Variants in SEMA4G observed in about 807,000 individuals in gnomAD.
The protein encoded by SEMA4G is semaphorin-4G.
In SEMA4G, 59 loss-of-function variants were observed where a neutral mutation model predicts 81.2. That is an observed-to-expected ratio of 0.73 (90% CI 0.59 to 0.90). The LOEUF (loss-of-function observed/expected upper bound fraction) is 0.90. SEMA4G is among the 40% of genes least tolerant of loss of function. The pLI, the probability that SEMA4G is intolerant of heterozygous loss-of-function variation, is 0.00. For missense variants in SEMA4G, 952 were observed against 1,102.3 expected, an observed-to-expected ratio of 0.86 and a Z score of 1.93; for synonymous variants, 404 against 433.9, an observed-to-expected ratio of 0.93 and a Z score of 0.86.
intron 12 of SEMA4G, 35 bp downstream of exon 13, chr10:100,981,032 T>C: frequency 6.3e-7 from 1 of 1,595,104 alleles, no homozygotes; most frequent in Non-Finnish European, 8.5e-7. Flanking sequence ...TCACATGTGG[T>C]CTGAGTGGAG....
At chr10:100,980,533 C>A in intron 10 of SEMA4G, 45 bp from the exon 12 acceptor site, 1 of 1,525,830 alleles carries the variant, frequency 6.6e-7, no homozygotes, top group East Asian at 2.2e-5. Context: ...GTGCTGAGAG[C>A]AGATCCCATA....
chr10:100,983,244 T>C (rs1851203264), intron 13 of SEMA4G, 61 bp from the exon 15 acceptor site: 2 of 1,458,792 alleles, frequency 1.4e-6, no homozygotes, highest in Middle Eastern at 2.3e-4. Flanking sequence ...ACAGTCTGGC[T>C]TGCCATCTCT....
Position 100,979,084 on chromosome 10 carries a change from G to A in SEMA4G, c.814-18G>A, listed in dbSNP as rs534844916. On this transcript the variant is annotated intron_variant, in intron 7 of 13. Coordinates refer to ENST00000370250, the Ensembl canonical transcript of SEMA4G. The stretch of plus-strand genomic sequence containing the variant: ...ACCTCTGACCCTGGCCCCTTATCCC[G>A]TGCCTCTACCTCCCCAGGGAGACCT... The A allele has an allele frequency of 2.6e-5, 42 of 1,613,582 alleles. No individual in the cohort carries two copies. In the Admixed American group the frequency reaches 3.2e-4, roughly 12 times the overall value.
In SEMA4G at chr10:100,978,154, A is replaced by C. The variant is rs749877017; in HGVS notation, c.436-141A>C. The stretch of plus-strand genomic sequence containing the variant: ...ATAAGGTCATTCTCAGGGGATGCTT[A>C]AGTTATTGCTGTCAGGTGCATCTGC... On this transcript the variant is annotated intron_variant, in intron 4 of 13. Coordinates refer to ENST00000370250, the Ensembl canonical transcript of SEMA4G. The C allele has an allele frequency of 9.6e-6, 6 of 625,704 alleles. No homozygotes were observed. The East Asian group carries it at 1.6e-4, about 17-fold the overall frequency. The allele number at this position is 625,704 out of a possible 1,614,324, so 38.8% of individuals were successfully genotyped here. A position where few individuals can be genotyped will look rare whatever the true frequency, so the allele number is the denominator to read the frequency against.
At chr10:100,971,325 A>C (rs1850626023), upstream of SEMA4G, among the ~76,000 whole-genome samples, 1 of 152,194 alleles carries the variant, frequency 6.6e-6, no homozygotes, top group South Asian at 2.1e-4. Flanking sequence ...GTGTGCCTCC[A>C]CAGGGAGGGG....
chr10:100,983,649 C>T (rs1358691563), exon 14 of SEMA4G: 1 of 1,613,532 alleles, frequency 6.2e-7, no homozygotes, highest in Admixed American at 1.7e-5. Context: ...GCTCTATGTG[C>T]TAGCCATTGC....
rs992040515 is a variant in SEMA4G, at chr10:100,980,459, C to G, written c.1351+115C>G. The G allele has an allele frequency of 6.7e-6, 9 of 1,344,692 alleles. No individual in the cohort carries two copies. In the African/African-American group the frequency reaches 8.6e-5, roughly 13 times the overall value. 83.3% of individuals were successfully genotyped at this position (1,344,692 alleles called of 1,614,324 possible). A position where few individuals can be genotyped will look rare whatever the true frequency, so the allele number is the denominator to read the frequency against. On this transcript the variant is annotated intron_variant, in intron 10 of 13. Transcript: ENST00000370250. ...CCCAGTGTCCTGAGGGTCCACTGCTCCTGGCTGAGTCCTTGTTCTGGACCT... is the reference window on the plus strand; with the variant it reads ...CCCAGTGTCCTGAGGGTCCACTGCTGCTGGCTGAGTCCTTGTTCTGGACCT...
chr10:100,977,480 A>G, intron 3 of SEMA4G, 152 bp from the exon 5 acceptor site: 1 of 680,254 alleles, frequency 1.5e-6, no homozygotes, highest in South Asian at 1.7e-5. Context: ...AGTTCCAGGA[A>G]ATATTCTGGA....
intron 3 of SEMA4G, among the ~76,000 whole-genome samples, chr10:100,977,026 G>T (rs1010520577): frequency 6.6e-6 from 1 of 152,150 alleles, no homozygotes; most frequent in Non-Finnish European, 1.5e-5. Flanking sequence ...GGGACTGAAT[G>T]TGGGGGTGAG....
chr10:100,970,476 C>T (rs1850598835), upstream of SEMA4G, among the ~76,000 whole-genome samples: 1 of 152,060 alleles, frequency 6.6e-6, no homozygotes, highest in Non-Finnish European at 1.5e-5. Context: ...CATTCCCTCC[C>T]TTGTAGAGCG....
chr10:100,978,682 AT>A, intron 6 of SEMA4G, 42 bp downstream of exon 7: 1 of 1,588,774 alleles, frequency 6.3e-7, no homozygotes, highest in Non-Finnish European at 8.6e-7. Context: ...GTAGGGGACT[AT>A]TTCTTCATTT....
At chr10:100,980,548 G>A (rs764556630) in intron 10 of SEMA4G, 30 bp from the exon 12 acceptor site, 2 of 1,578,770 alleles carry the variant, frequency 1.3e-6, no homozygotes, top group East Asian at 2.2e-5. Context: ...CCCATAGTTG[G>A]GGTCTAACTC....
downstream of SEMA4G, chr10:100,984,875 G>T: frequency 1.4e-6 from 2 of 1,480,532 alleles, no homozygotes; most frequent in Non-Finnish European, 1.8e-6. Context: ...ACTCTCCTTG[G>T]TCATTCTCAA....
Position 100,979,230 on chromosome 10 carries a change from C to A in SEMA4G, c.942C>A (p.Ser314Arg), listed in dbSNP as rs761950373. The A allele has an allele frequency of 1.3e-4, 203 of 1,614,078 alleles. No individual in the cohort carries two copies. In the Admixed American group the frequency reaches 3.3e-3, roughly 26 times the overall value. ...GCAGCCTGGATGCTGAAACCTCAAG[C>A]CGTACACACTTCTATGCAGCCTTCA... The change falls in exon 8 of 14, where the codon AGC becomes AGA. Residue 314 changes from serine to arginine, a missense_variant. Physicochemically the swap from Ser to Arg is moderately radical, Grantham distance 110 (BLOSUM62 -1). Around this residue, in one of 3 missense-constraint regions of SEMA4G, gnomAD observed 436 missense variants for 488.2 expected, o/e 0.89. Transcript: ENST00000370250.
intron 13 of SEMA4G, chr10:100,981,498 G>T: frequency 6.2e-7 from 1 of 1,614,128 alleles, no homozygotes; most frequent in African/African-American, 1.3e-5. Flanking sequence ...GGTTCAGGAC[G>T]GTAATGGGTA....
chr10:100,979,306 C>T (rs779148627), intron 8 of SEMA4G, 35 bp downstream of exon 9: 61 of 1,613,926 alleles, frequency 3.8e-5, no homozygotes, highest in East Asian at 1.1e-4. Flanking sequence ...CAAGAAACTG[C>T]GGACAGCATA....
chr10:100,978,638 A>G, exon 6 of SEMA4G: 3 of 1,612,614 alleles, frequency 1.9e-6, no homozygotes, highest in Non-Finnish European at 2.5e-6. Context: ...CATTGGCTCA[A>G]TGGTTAGGAG....
chr10:100,985,139 G>T (rs1037520890), downstream of SEMA4G: 76 of 433,828 alleles, frequency 1.8e-4, no homozygotes, highest in Non-Finnish European at 3.0e-4. Context: ...TCTTTTGGGG[G>T]AATCAAGCAT....
exon 6 of SEMA4G, chr10:100,978,578 T>C (rs1589986527): frequency 6.2e-7 from 1 of 1,614,076 alleles, no homozygotes; most frequent in Non-Finnish European, 8.5e-7. Flanking sequence ...ATTCCTGACA[T>C]CCGCCGGAGC....
Sources: allele counts gnomAD v4.1 joint callset (sites outside exome capture counted in the v4.1 genomes callset), GRCh38; gene constraint gnomAD v4.1.1; regional missense constraint gnomAD v4.1.1; transcripts MANE v1.5; gene names NCBI Gene and HGNC (gene_info 2026-07-23, HGNC 2026-07-21).